Variants in HACE1 observed in about 807,000 individuals in gnomAD.
HACE1 encodes E3 ubiquitin-protein ligase HACE1.
Under a neutral mutation model 118.4 loss-of-function variants are expected in HACE1, and 73 were observed. That is an observed-to-expected ratio of 0.62 (90% CI 0.51 to 0.75). HACE1 has a LOEUF of 0.75. Among genes scored for constraint, HACE1 ranks in the 30% least tolerant of loss-of-function variants. HACE1 has a pLI of 0.00. For synonymous variants in HACE1, 368 were observed against 374.8 expected, an observed-to-expected ratio of 0.98 and a Z score of 0.21; for missense variants, 749 against 1,102.2, an observed-to-expected ratio of 0.68 and a Z score of 4.54.
chr6:104,742,665 G>T (rs952522789), intron 22 of HACE1, among the ~76,000 whole-genome samples: 1 of 151,286 alleles, frequency 6.6e-6, no homozygotes, highest in Non-Finnish European at 1.5e-5. Flanking sequence ...GGAAACAACA[G>T]GTGCTGGAGA....
At chr6:104,781,893 C>T (rs144268583) in intron 14 of HACE1, among the ~76,000 whole-genome samples, 8 of 152,292 alleles carry the variant, frequency 5.3e-5, no homozygotes, top group Non-Finnish European at 1.0e-4. Flanking sequence ...ACAAACACCT[C>T]CCTCTCTGGG....
intron 6 of HACE1, among the ~76,000 whole-genome samples, chr6:104,814,037 G>C (rs1239764532): frequency 7.3e-6 from 1 of 137,322 alleles, no homozygotes; most frequent in East Asian, 2.2e-4. Flanking sequence ...ATTCTACAAA[G>C]TAGAATAAAA....
At chr6:104,806,428 C>T (rs1186071814) in intron 7 of HACE1, among the ~76,000 whole-genome samples, 2 of 152,088 alleles carry the variant, frequency 1.3e-5, no homozygotes, top group African/African-American at 4.8e-5. Context: ...CGCCACTGCA[C>T]TCCAGCCTGG....
chr6:104,785,102 A>G lies in HACE1; in HGVS notation c.1292T>C (p.Leu431Pro). ...TGCACTGGCTTCCTGTCTCCCTGCA[A>G]GAGCATCTGGTTTAGATTCCCTTGT... ...TGTRESKPDA[L>P]AGRQEASADC... Residue 431 changes from leucine (L) to proline (P), a missense_variant, in exon 12 of 24, where the codon CTT becomes CCT. By Grantham distance (98) the Leu-to-Pro change is moderately conservative (BLOSUM62 -3). Around this residue, in one of 5 missense-constraint regions of HACE1, gnomAD observed 267 missense variants for 312.2 expected, o/e 0.86. Transcript: ENST00000262903. 1 of 1,614,010 alleles carries G rather than the reference A, an allele frequency of 6.2e-7. No individual in the cohort carries two copies. The highest frequency in any genetic ancestry group is 1.1e-5 in the South Asian group (1 of 91,072).
At chr6:104,795,738 T>C (rs1012959036) in intron 9 of HACE1, 53 bp from the exon 10 acceptor site, 13 of 1,070,316 alleles carry the variant, frequency 1.2e-5, no homozygotes, top group Non-Finnish European at 1.6e-5. Context: ...CATTAAATCT[T>C]ATCAAACAAT....
At chr6:104,847,896 C>G (rs995422032) in intron 4 of HACE1, among the ~76,000 whole-genome samples, 2 of 151,940 alleles carry the variant, frequency 1.3e-5, no homozygotes, top group Admixed American at 6.5e-5. Flanking sequence ...CCACTCACTG[C>G]AACCTAGCTC....
At chr6:104,855,112 AAC>A (rs1418299151) in intron 1 of HACE1, among the ~76,000 whole-genome samples, 2 of 152,178 alleles carry the variant, frequency 1.3e-5, no homozygotes, top group East Asian at 3.8e-4. Context: ...CAAGCTGTGT[AAC>A]AGTGGCATTA....
chr6:104,778,995 G>T (rs1457466932), intron 14 of HACE1, among the ~76,000 whole-genome samples: 1 of 152,092 alleles, frequency 6.6e-6, no homozygotes, highest in Non-Finnish European at 1.5e-5. Context: ...AGGGATTTAG[G>T]AGGAGATACT....
intron 19 of HACE1, among the ~76,000 whole-genome samples, chr6:104,755,032 T>G (rs760521886): frequency 7.9e-5 from 12 of 152,050 alleles, no homozygotes; most frequent in Non-Finnish European, 1.3e-4. Flanking sequence ...TATGCTGTCC[T>G]CAAGAGACCC....
At chr6:104,797,765 C>G (rs1010272360) in intron 7 of HACE1, among the ~76,000 whole-genome samples, 1 of 151,942 alleles carries the variant, frequency 6.6e-6, no homozygotes, top group Non-Finnish European at 1.5e-5. Flanking sequence ...ATGTTAACAG[C>G]TGATTCTTAA....
rs542104975 is a variant in HACE1 at position 104,797,738 on chromosome 6, T to C, written c.618-713A>G. Among the ~76,000 whole-genome samples, 17 of 152,122 alleles carry C rather than the reference T, an allele frequency of 1.1e-4. No individual in the cohort carries two copies. In the East Asian group the frequency reaches 1.9e-3, roughly 17 times the overall value. On this transcript the variant is annotated intron_variant, in intron 7 of 23. Transcript: ENST00000262903. ...TTGTAGAAGTAGAATTGTGTAACTA[T>C]CACTCCAGGGAAATTAATGTTAACA...
At chr6:104,848,610 C>T (rs1316569184) in intron 4 of HACE1, among the ~76,000 whole-genome samples, 2 of 151,926 alleles carry the variant, frequency 1.3e-5, no homozygotes, top group South Asian at 2.1e-4. Flanking sequence ...AGTAAACTAC[C>T]CTAGTATCTA....
Position 104,729,587 on chromosome 6 carries a change from T to C in HACE1, c.*75A>G, listed in dbSNP as rs891951128. ...TATGGGTTGCATTTAGGCTGCTTTTTTGTTGACATTTTCCCAAATTACTTC... is the reference window on the plus strand; with the variant it reads ...TATGGGTTGCATTTAGGCTGCTTTTCTGTTGACATTTTCCCAAATTACTTC... On this transcript the variant is annotated 3_prime_UTR_variant, in exon 24 of 24. Coordinates refer to ENST00000262903, the MANE Select transcript of HACE1 (RefSeq NM_020771.4). 8 of 820,034 alleles carry C rather than the reference T, an allele frequency of 9.8e-6. No homozygotes were observed. The African/African-American group carries it at 1.2e-4, about 12-fold the overall frequency. The allele number at this position is 820,034 out of a possible 1,614,324, so 50.8% of individuals were successfully genotyped here.
intron 6 of HACE1, among the ~76,000 whole-genome samples, chr6:104,827,717 G>T (rs1773474996): frequency 6.6e-6 from 1 of 152,028 alleles, no homozygotes; most frequent in Admixed American, 6.6e-5. Flanking sequence ...AGTTTACATG[G>T]CTGTCCGTAA....
At chr6:104,733,337 C>A (rs2114376114) in intron 22 of HACE1, among the ~76,000 whole-genome samples, 1 of 152,226 alleles carries the variant, frequency 6.6e-6, no homozygotes, top group South Asian at 2.1e-4. Flanking sequence ...ATTCTATAAG[C>A]TGATAAACCA....
intron 22 of HACE1, among the ~76,000 whole-genome samples, chr6:104,732,921 T>G (rs1011127281): frequency 2.6e-5 from 4 of 152,236 alleles, no homozygotes; most frequent in Non-Finnish European, 5.9e-5. Flanking sequence ...ATTAAAAGTA[T>G]GCCTGAATCT....
chr6:104,747,690 T>G (rs1382235411), intron 20 of HACE1, among the ~76,000 whole-genome samples: 1 of 152,184 alleles, frequency 6.6e-6, no homozygotes, highest in Non-Finnish European at 1.5e-5. Flanking sequence ...GTTCCATATC[T>G]TCTTTGGCCT....
Position 104,859,614 on chromosome 6 carries a change from C to A in HACE1, c.29G>T (p.Arg10Leu), listed in dbSNP as rs1409235039. MERAMEQLN[R>L]LTRSLRRART... ...CGCGCGGCGCAGCGAGCGCGTCAGG[C>A]GGTTGAGTTGCTCCATCGCTCTCTC... is the stretch of plus-strand genomic sequence containing the variant. Residue 10 changes from arginine to leucine, a missense_variant, in exon 1 of 24, where the codon CGC (arginine) becomes CTC (leucine). Arg to Leu is a moderately radical substitution (Grantham distance 102). Transcript: ENST00000262903. 1.3e-6 allele frequency: 2 copies of A among 1,531,656 alleles called. No homozygotes were observed. Among genetic ancestry groups the A allele is most frequent in the Non-Finnish European group, 8.7e-7 (1 of 1,142,962 alleles). The allele number at this position is 1,531,656 out of a possible 1,614,324, so 94.9% of individuals were successfully genotyped here. A position where few individuals can be genotyped will look rare whatever the true frequency, so the allele number is the denominator to read the frequency against.
intron 6 of HACE1, among the ~76,000 whole-genome samples, chr6:104,828,174 T>C (rs1381995805): frequency 2.6e-5 from 4 of 152,032 alleles, no homozygotes; most frequent in African/African-American, 9.7e-5. Context: ...CGTTAATAAA[T>C]TATACCTACA....
Sources: allele counts gnomAD v4.1 joint callset (sites outside exome capture counted in the v4.1 genomes callset), GRCh38; gene constraint gnomAD v4.1.1; regional missense constraint gnomAD v4.1.1; transcripts MANE v1.5; gene names NCBI Gene and HGNC (gene_info 2026-07-23, HGNC 2026-07-21).